Variants in ASTN1 observed in about 807,000 individuals in gnomAD.
ASTN1 encodes the protein astrotactin 1.
Under a neutral mutation model 140.7 loss-of-function variants are expected in ASTN1, and 41 were observed. That is an observed-to-expected ratio of 0.29 (90% CI 0.23 to 0.38). The LOEUF (loss-of-function observed/expected upper bound fraction) is 0.38, where lower values mean the gene tolerates loss of function less well. Ranked by LOEUF, ASTN1 falls within the 10% of genes least tolerant of loss-of-function variation. ASTN1 has a pLI of 1.00. For missense variants in ASTN1, 1,479 were observed against 1,678.8 expected (o/e 0.88, Z 2.08); for synonymous variants, 640 against 652.2 (o/e 0.98, Z 0.29).
chr1:176,867,263 A>C (rs986750915), intron 22 of ASTN1, among the ~76,000 whole-genome samples: 3 of 152,150 alleles, frequency 2.0e-5, no homozygotes, highest in African/African-American at 7.2e-5. Context: ...TCCCTGAAAA[A>C]GAACGGTATA....
At chr1:176,934,380 A>G (rs200353707) in intron 15 of ASTN1, 40 bp from the exon 16 acceptor site, 17 of 1,547,844 alleles carry the variant, frequency 1.1e-5, no homozygotes, top group Admixed American at 1.7e-5. Flanking sequence ...ATGAGGGCTC[A>G]GATTTTGGGT....
At chr1:177,075,603 T>C (rs1678856335) in intron 1 of ASTN1, among the ~76,000 whole-genome samples, 1 of 151,290 alleles carries the variant, frequency 6.6e-6, no homozygotes, top group Non-Finnish European at 1.5e-5. Flanking sequence ...CTGAGCAACA[T>C]TTTTTCTTTC....
intron 19 of ASTN1, among the ~76,000 whole-genome samples, chr1:176,883,610 GT>G (rs1325945515): frequency 1.3e-5 from 2 of 152,206 alleles, no homozygotes; most frequent in African/African-American, 4.8e-5. Context: ...GGAAGAAGCG[GT>G]AGGCAGCTCT....
intron 8 of ASTN1, among the ~76,000 whole-genome samples, chr1:176,977,228 T>A (rs931551470): frequency 6.6e-6 from 1 of 152,266 alleles, no homozygotes; most frequent in African/African-American, 2.4e-5. Flanking sequence ...TCTTTTTCTA[T>A]CTACTAATCT....
Position 177,086,333 on chromosome 1 carries a change from T to C in ASTN1, c.284-25068A>G, listed in dbSNP as rs575634583. ...TAACTTTCTTCTCATTGTCAACTAGTGTTAGACATAAACTCAAGTTTCTGA... is the reference window on the plus strand; with the variant it reads ...TAACTTTCTTCTCATTGTCAACTAGCGTTAGACATAAACTCAAGTTTCTGA... On this transcript the variant is annotated intron_variant, in intron 1 of 22. Coordinates refer to ENST00000361833, the MANE Select transcript of ASTN1 (RefSeq NM_004319.3). Among the ~76,000 whole-genome samples the C allele has an allele frequency of 1.2e-3, 189 of 152,128 alleles. 2 individuals carry two copies. The highest frequency in any genetic ancestry group is 4.3e-3 in the African/African-American group (177 of 41,494).
rs1296806450 is a variant in ASTN1 at position 177,080,897 on chromosome 1, G to T, written c.284-19632C>A. On this transcript the variant is annotated intron_variant, in intron 1 of 22. Coordinates refer to ENST00000361833, the MANE Select transcript of ASTN1 (RefSeq NM_004319.3). ...AGATAACAGCACACACTTCAGAGGGGTGCATGAGGCTTAAATGAGACCACG... is the reference window on the plus strand; with the variant it reads ...AGATAACAGCACACACTTCAGAGGGTTGCATGAGGCTTAAATGAGACCACG... Among the ~76,000 whole-genome samples, 3 of 152,146 alleles carry T rather than the reference G, an allele frequency of 2.0e-5. No homozygotes were observed. In the East Asian group the frequency reaches 5.8e-4, roughly 29 times the overall value.
At chr1:176,876,446 A>G (rs1668565640) in intron 21 of ASTN1, 91 bp downstream of exon 21, 23 of 1,360,328 alleles carry the variant, frequency 1.7e-5, no homozygotes, top group Non-Finnish European at 1.9e-5. Flanking sequence ...AGGTTGTTCT[A>G]TTCAACTCTC....
At chr1:177,109,076 A>G (rs1456523296) in intron 1 of ASTN1, among the ~76,000 whole-genome samples, 1 of 152,178 alleles carries the variant, frequency 6.6e-6, no homozygotes, top group African/African-American at 2.4e-5. Flanking sequence ...GAACACTTAG[A>G]ATAGATAAAG....
chr1:177,118,416 G>T (rs1002670863), intron 1 of ASTN1, among the ~76,000 whole-genome samples: 2 of 152,070 alleles, frequency 1.3e-5, no homozygotes, highest in African/African-American at 4.8e-5. Context: ...ATATGACTGA[G>T]GTGGGCCTCA....
At chr1:177,072,505 G>T (rs928165893) in intron 1 of ASTN1, among the ~76,000 whole-genome samples, 1 of 152,194 alleles carries the variant, frequency 6.6e-6, no homozygotes, top group African/African-American at 2.4e-5. Context: ...CCATGGAAAC[G>T]TTGATTTAGC....
intron 2 of ASTN1, among the ~76,000 whole-genome samples, chr1:177,043,464 G>A (rs1677070517): frequency 6.6e-6 from 1 of 152,218 alleles, no homozygotes; most frequent in African/African-American, 2.4e-5. Context: ...GCCATTCCCA[G>A]TGCAAGTCAT....
rs951214063 is a variant in ASTN1, at chr1:177,148,543, G to A, written c.283+15851C>T. ...AAGAATTCTGGGTATTCTTGGGCAG[G>A]TTCTAAGAGTCAAAATACCACAAGC... On this transcript the variant is annotated intron_variant, in intron 1 of 22. Transcript: ENST00000361833. Among the ~76,000 whole-genome samples, 10 of 151,876 alleles carry A rather than the reference G, an allele frequency of 6.6e-5. 1 individual carries two copies. Among genetic ancestry groups the A allele is most frequent in the African/African-American group, 2.4e-4 (10 of 41,342 alleles).
chr1:176,869,163 A>G, intron 21 of ASTN1, 136 bp from the exon 22 acceptor site: 1 of 520,746 alleles, frequency 1.9e-6, no homozygotes, highest in Non-Finnish European at 3.0e-6. Flanking sequence ...ATGTATATAT[A>G]ATATGCATAT....
chr1:177,027,752 GTGTGTGTGTGTA>G (rs1166877971), intron 5 of ASTN1, among the ~76,000 whole-genome samples: 3 of 148,714 alleles, frequency 2.0e-5, no homozygotes, highest in Non-Finnish European at 4.5e-5. Flanking sequence ...GTGTGTGTGT[GTGTGTGTGTGTA>G]TGTGTATATA....
chr1:177,076,049 G>A (rs1678887339), intron 1 of ASTN1, among the ~76,000 whole-genome samples: 2 of 152,002 alleles, frequency 1.3e-5, no homozygotes. Flanking sequence ...GGAGGCTGAG[G>A]CGGGTGGATC....
chr1:176,949,558 T>C (rs1363741083), intron 11 of ASTN1, among the ~76,000 whole-genome samples: 5 of 152,220 alleles, frequency 3.3e-5, no homozygotes, highest in African/African-American at 1.2e-4. Context: ...CTCTAGACAC[T>C]GATCACACAC....
intron 7 of ASTN1, 137 bp downstream of exon 7, chr1:177,023,267 T>C: frequency 2.7e-6 from 3 of 1,122,834 alleles, no homozygotes; most frequent in South Asian, 3.4e-5. Flanking sequence ...CCCAACCACA[T>C]GCAGGCAGTC....
intron 8 of ASTN1, among the ~76,000 whole-genome samples, chr1:176,983,449 A>G (rs1367354484): frequency 6.6e-6 from 1 of 152,222 alleles, no homozygotes; most frequent in Non-Finnish European, 1.5e-5. Context: ...GACTCGCAGT[A>G]GATTTCAATC....
intron 8 of ASTN1, among the ~76,000 whole-genome samples, chr1:176,983,459 C>T (rs958207828): frequency 3.3e-5 from 5 of 152,306 alleles, no homozygotes; most frequent in Admixed American, 2.6e-4. Context: ...AGATTTCAAT[C>T]CTCTTTACTT....
Sources: gnomAD v4.1 joint callset for allele counts (sites outside exome capture counted in the v4.1 genomes callset) on GRCh38, gnomAD v4.1.1 for gene constraint, MANE v1.5 for transcripts, NCBI Gene and HGNC (gene_info 2026-07-23, HGNC 2026-07-21) for gene names.